The following CSMD2 variants were observed in gnomAD, a reference collection of about 807,000 sequenced individuals.
CSMD2 encodes the protein CUB and sushi domain-containing protein 2.
CSMD2 carries 130 observed loss-of-function variants against 398.5 expected under a neutral mutation model. The observed-to-expected ratio is 0.33, with a 90% CI of 0.28 to 0.38. The LOEUF (loss-of-function observed/expected upper bound fraction) is 0.38. CSMD2 is among the 10% of genes least tolerant of loss of function. CSMD2 has a pLI of 1.00. For missense variants in CSMD2, 3,829 were observed against 4,764.9 expected (o/e 0.80, Z 5.78); for synonymous variants, 1,828 against 1,908.5 (o/e 0.96, Z 1.10).
At chr1:34,028,178 G>A (rs146674889) in intron 3 of CSMD2, among the ~76,000 whole-genome samples, 5 of 152,078 alleles carry the variant, frequency 3.3e-5, no homozygotes, top group Admixed American at 6.5e-5. Context: ...GAAATTAGCC[G>A]GCTGTGGTGG....
At chr1:33,521,711 G>A (rs944970513) in intron 67 of CSMD2, among the ~76,000 whole-genome samples, 161 bp from the exon 68 acceptor site, 5 of 152,192 alleles carry the variant, frequency 3.3e-5, no homozygotes, top group African/African-American at 4.8e-5. Flanking sequence ...GGGTGTGACC[G>A]GGGAGCCCGG....
At chr1:33,780,579 A>C (rs1007457666) in intron 12 of CSMD2, among the ~76,000 whole-genome samples, 2 of 152,236 alleles carry the variant, frequency 1.3e-5, no homozygotes, top group African/African-American at 4.8e-5. Flanking sequence ...CATTAGCCCC[A>C]AACTAAAGCT....
chr1:33,815,262 A>G (rs1269502727), intron 9 of CSMD2: 1 of 152,120 alleles, frequency 6.6e-6, no homozygotes. Context: ...AGAGTATCTG[A>G]CACTACTGAT....
rs201920394 is a variant in CSMD2 at position 33,619,505 on chromosome 1, C to CT, written c.5828-1889dup. On this transcript the variant is annotated intron_variant, in intron 37 of 70. Coordinates refer to ENST00000373381, the MANE Select transcript of CSMD2 (RefSeq NM_001281956.2). The stretch of plus-strand genomic sequence containing the variant: ...GATGAGACTCTGATAACTACATGTG[C>CT]TTTTTTTCCCTCTGAGGGAAACTCA... 7.8e-3 allele frequency among the ~76,000 whole-genome samples: 1,181 copies of CT among 152,310 alleles called. 6 individuals carry two copies. The highest frequency in any genetic ancestry group is 0.013 in the Non-Finnish European group (877 of 68,028).
At chr1:33,842,982 T>C (rs1661003953) in intron 6 of CSMD2, among the ~76,000 whole-genome samples, 1 of 152,214 alleles carries the variant, frequency 6.6e-6, no homozygotes, top group South Asian at 2.1e-4. Context: ...GAGACCCACA[T>C]TTAAGTCACT....
At chr1:34,008,292 T>G (rs1314925041) in intron 3 of CSMD2, among the ~76,000 whole-genome samples, 2 of 152,134 alleles carry the variant, frequency 1.3e-5, no homozygotes, top group African/African-American at 2.4e-5. Context: ...CAGGAAGAAA[T>G]GAAGGTCCTG....
At chr1:34,040,408 C>CCTTTA (rs1553292973) in intron 2 of CSMD2, among the ~76,000 whole-genome samples, 1 of 152,044 alleles carries the variant, frequency 6.6e-6, no homozygotes, top group Non-Finnish European at 1.5e-5. Context: ...GACTGACATC[C>CCTTTA]CTTTTCTTTT....
chr1:34,082,042 C>T (rs1454781086), intron 2 of CSMD2, among the ~76,000 whole-genome samples: 2 of 151,716 alleles, frequency 1.3e-5, no homozygotes, highest in East Asian at 2.0e-4. Context: ...AGCGCCTCTT[C>T]CCGGCCGTCA....
rs540593372 is a variant in CSMD2 at position 33,533,433 on chromosome 1, C to T, written c.9992-204G>A. ...GCCAAGATGGAGATCATGTGGATAT[C>T]GGCTTGGTTGACTCTGAGTTGGGGG... On this transcript the variant is annotated intron_variant, in intron 63 of 70. Coordinates refer to ENST00000373381, the MANE Select transcript of CSMD2 (RefSeq NM_001281956.2). The surrounding 1 kb of genome is among the most constrained non-coding windows in gnomAD (Gnocchi z 4.2). 6.6e-5 allele frequency among the ~76,000 whole-genome samples: 10 copies of T among 152,288 alleles called. No individual in the cohort carries two copies. In the South Asian group the frequency reaches 1.2e-3, roughly 19 times the overall value.
At chr1:33,716,726 C>T (rs1450128589) in intron 19 of CSMD2, among the ~76,000 whole-genome samples, 3 of 152,164 alleles carry the variant, frequency 2.0e-5, no homozygotes, top group Non-Finnish European at 2.9e-5. Context: ...TCTTCTTTTA[C>T]AGTTCTAAAA....
chr1:33,974,303 A>G (rs1365466204), intron 3 of CSMD2, among the ~76,000 whole-genome samples: 1 of 152,166 alleles, frequency 6.6e-6, no homozygotes, highest in Non-Finnish European at 1.5e-5. Context: ...CAAATCTCAC[A>G]TGGTTCCAGA....
chr1:33,600,743 G>C (rs929392173), intron 44 of CSMD2, 122 bp downstream of exon 44: 1 of 919,768 alleles, frequency 1.1e-6, no homozygotes, highest in African/African-American at 1.7e-5. Context: ...AGACACTGAG[G>C]CTCCAAGAGG....
At chr1:34,125,507 C>CTGTGTGTGTGTGTG (rs35436778) in intron 1 of CSMD2, among the ~76,000 whole-genome samples, 2 of 141,110 alleles carry the variant, frequency 1.4e-5, no homozygotes, top group African/African-American at 2.7e-5. Flanking sequence ...TCAACCTTGG[C>CTGTGTGTGTGTGTG]TGTGTGTGTG....
intron 13 of CSMD2, among the ~76,000 whole-genome samples, chr1:33,756,657 C>T (rs117944382): frequency 0.019 from 2,911 of 152,260 alleles, 35 homozygotes; most frequent in South Asian, 0.03. Context: ...AGCAGGGTGA[C>T]AGATGGAGCA....
intron 68 of CSMD2, among the ~76,000 whole-genome samples, chr1:33,520,838 C>A (rs1331143047): frequency 6.6e-6 from 1 of 152,084 alleles, no homozygotes; most frequent in Non-Finnish European, 1.5e-5. Flanking sequence ...CTCCTGTTTC[C>A]CCCTCCCCTG....
chr1:33,898,935 A>T (rs1464255543), intron 5 of CSMD2, among the ~76,000 whole-genome samples: 1 of 152,218 alleles, frequency 6.6e-6, no homozygotes, highest in African/African-American at 2.4e-5. Context: ...GACAGCAAAC[A>T]GAAGTCAGGA....
intron 42 of CSMD2, 22 bp from the exon 43 acceptor site, chr1:33,602,568 C>A: frequency 9.6e-6 from 15 of 1,566,086 alleles, no homozygotes; most frequent in Non-Finnish European, 1.3e-5. Flanking sequence ...GGAACACAAA[C>A]GTAAGTGCAG....
intron 2 of CSMD2, among the ~76,000 whole-genome samples, chr1:34,059,887 C>T (rs1654273548): frequency 6.6e-6 from 1 of 152,170 alleles, no homozygotes; most frequent in Non-Finnish European, 1.5e-5. Flanking sequence ...TGGACTCTTG[C>T]CTGGCTGGTC....
chr1:33,613,429 G>A (rs990540958), intron 40 of CSMD2, among the ~76,000 whole-genome samples: 3 of 152,276 alleles, frequency 2.0e-5, no homozygotes, highest in East Asian at 1.9e-4. Context: ...TGCCGAGGGC[G>A]TCATCGCTTT....
Sources: gnomAD v4.1 joint callset for allele counts (sites outside exome capture counted in the v4.1 genomes callset) on GRCh38, gnomAD v4.1.1 for gene constraint, Gnocchi (gnomAD v3.1) non-coding constraint, MANE v1.5 for transcripts, NCBI Gene and HGNC (gene_info 2026-07-23, HGNC 2026-07-21) for gene names.